The following SNX25 variants were observed in gnomAD, a reference collection of about 807,000 sequenced individuals.
SNX25 encodes the protein sorting nexin 25, also known as sorting nexin-25.
In SNX25, 62 loss-of-function variants were observed where a neutral mutation model predicts 113.7. That is an observed-to-expected ratio of 0.55 (90% CI 0.44 to 0.67). The LOEUF (loss-of-function observed/expected upper bound fraction) is 0.67, where lower values mean the gene tolerates loss of function less well. Ranked by LOEUF, SNX25 falls within the 30% of genes least tolerant of loss-of-function variation. SNX25 has a pLI of 0.00. For missense variants in SNX25, 1,014 were observed against 1,161.0 expected, an observed-to-expected ratio of 0.87 and a Z score of 1.84; for synonymous variants, 421 against 436.2, an observed-to-expected ratio of 0.97 and a Z score of 0.43.
intron 1 of SNX25, among the ~76,000 whole-genome samples, chr4:185,230,791 A>G (rs192601125): frequency 5.7e-4 from 87 of 152,324 alleles, no homozygotes; most frequent in African/African-American, 2.0e-3. Flanking sequence ...AAATGTTGTT[A>G]AAAATACAAT....
At chr4:185,354,041 CAA>C (rs138207766) in intron 15 of SNX25, among the ~76,000 whole-genome samples, 30 of 84,498 alleles carry the variant, frequency 3.6e-4, no homozygotes, top group Middle Eastern at 6.8e-3. Flanking sequence ...GACTCCGTCT[CAA>C]AAAAAAAAAA....
intron 6 of SNX25, among the ~76,000 whole-genome samples, chr4:185,290,727 T>G (rs1320147001): frequency 1.3e-5 from 2 of 152,288 alleles, no homozygotes; most frequent in East Asian, 3.9e-4. Context: ...ACTGAAGTGT[T>G]TGGTTTATTT....
At chr4:185,233,794 T>TC (rs1742200816) in intron 1 of SNX25, among the ~76,000 whole-genome samples, 1 of 152,190 alleles carries the variant, frequency 6.6e-6, no homozygotes. Flanking sequence ...AAATTAGAGA[T>TC]AAAGCTCTTT....
At chr4:185,281,038 C>T (rs570079566) in intron 5 of SNX25, among the ~76,000 whole-genome samples, 1 of 152,292 alleles carries the variant, frequency 6.6e-6, no homozygotes, top group South Asian at 2.1e-4. Context: ...CCTAGAATCC[C>T]ATAGTAATGT....
intron 13 of SNX25, among the ~76,000 whole-genome samples, chr4:185,350,558 G>A (rs552985727): frequency 6.6e-6 from 1 of 152,252 alleles, no homozygotes; most frequent in Non-Finnish European, 1.5e-5. Flanking sequence ...CCAGTTTGAG[G>A]GCTGGTAGAA....
At chr4:185,226,666 G>T (rs757950696) in intron 1 of SNX25, among the ~76,000 whole-genome samples, 9 of 152,130 alleles carry the variant, frequency 5.9e-5, no homozygotes, top group Non-Finnish European at 1.3e-4. Context: ...GCCCGGGCTG[G>T]TCTTGAACTC....
the SNX25 span, chr4:185,378,091 C>T: frequency 8.1e-6 from 13 of 1,612,586 alleles, no homozygotes; most frequent in Admixed American, 1.7e-5. Context: ...CAGTCTTTTC[C>T]TTTTTCCACT....
chr4:185,310,575 T>A (rs1480947750), intron 6 of SNX25, 60 bp from the exon 7 acceptor site: 1 of 1,497,424 alleles, frequency 6.7e-7, no homozygotes, highest in Admixed American at 1.9e-5. Context: ...TGGTTCTGAA[T>A]TGCTGTGTCC....
In SNX25 at chr4:185,363,455, G is replaced by T. The variant is rs1442997261; in HGVS notation, c.3005G>T (p.Gly1002Val). ...GTTCATTTAGATCAACTTAAAGCTG[G>T]CCAAGTTTGAGACTACACAAATAAA... ...LRVHLDQLKA[G>V]QV Residue 1002 changes from glycine to valine, a missense_variant, in exon 19 of 19, where the codon GGC becomes GTC. Physicochemically the swap from Gly to Val is moderately radical, Grantham distance 109 (BLOSUM62 -3). Transcript: ENST00000652585. The surrounding 1 kb of genome is among the most constrained non-coding windows in gnomAD (Gnocchi z 4.2). The T allele has an allele frequency of 6.2e-7, 1 of 1,613,858 alleles. No homozygotes were observed. The highest frequency in any genetic ancestry group is 1.1e-5 in the South Asian group (1 of 91,070).
At chr4:185,321,460 A>AC (rs1311076182) in intron 8 of SNX25, among the ~76,000 whole-genome samples, 2 of 151,862 alleles carry the variant, frequency 1.3e-5, no homozygotes, top group African/African-American at 4.8e-5. Flanking sequence ...ACGGGGTTTT[A>AC]CCGTGTTGGC....
chr4:185,206,523 C>T (rs1030523077), upstream of SNX25, among the ~76,000 whole-genome samples: 1 of 151,690 alleles, frequency 6.6e-6, no homozygotes, highest in Admixed American at 6.6e-5. Flanking sequence ...GCCAGGCATG[C>T]TGATGCATGC....
downstream of SNX25, among the ~76,000 whole-genome samples, chr4:185,372,701 T>C (rs1561077404): frequency 6.6e-6 from 1 of 152,184 alleles, no homozygotes; most frequent in South Asian, 2.1e-4. Flanking sequence ...TCCTGTAGCT[T>C]TCTGCTGTCA....
At chr4:185,216,204 C>A (rs1738781761) in intron 1 of SNX25, among the ~76,000 whole-genome samples, 3 of 152,194 alleles carry the variant, frequency 2.0e-5, no homozygotes, top group Admixed American at 1.3e-4. Context: ...TCCCTCTAGG[C>A]AGCCACTATT....
rs35543353 is a variant in SNX25, at chr4:185,369,227, CTTTTTTT to C, written c.*1005-508_*1005-502del. ...TTGGAAATTGATGTAATACAGAGAGCTTTTTTTTTTTTTTTTTTTTTGAGACAGAGTC... is the reference window on the plus strand; with the variant it reads ...TTGGAAATTGATGTAATACAGAGAGCTTTTTTTTTTTTTTGAGACAGAGTC... On this transcript the variant is annotated intron_variant and NMD_transcript_variant, in intron 11 of 11. Coordinates refer to the SNX25 transcript ENST00000504959. Among the ~76,000 whole-genome samples, 41 of 100,930 alleles carry C rather than the reference CTTTTTTT, an allele frequency of 4.1e-4. No homozygotes were observed. In the South Asian group the frequency reaches 0.013, roughly 31 times the overall value. 66.2% of individuals were successfully genotyped at this position (100,930 alleles called of 152,430 possible). A position where few individuals can be genotyped will look rare whatever the true frequency, so the allele number is the denominator to read the frequency against.
intron 1 of SNX25, among the ~76,000 whole-genome samples, chr4:185,244,860 CTT>C (rs1744603411): frequency 6.6e-6 from 1 of 151,906 alleles, no homozygotes. Context: ...CACCAGGAGA[CTT>C]TTGTTTGTTT....
At chr4:185,320,270 T>C (rs1459105206) in intron 7 of SNX25, among the ~76,000 whole-genome samples, 1 of 152,150 alleles carries the variant, frequency 6.6e-6, no homozygotes, top group African/African-American at 2.4e-5. Flanking sequence ...ATGTGGTACA[T>C]ATACATCATG....
chr4:185,375,487 A>AATATATATATATATGTAT, the SNX25 span: 3 of 12,016 alleles, frequency 2.5e-4, no homozygotes, highest in Non-Finnish European at 4.4e-4. Flanking sequence ...AAAAAAAAAA[A>AATATATATATATATGTAT]ATATATATAT....
At chr4:185,217,466 G>T (rs772197311) in intron 1 of SNX25, among the ~76,000 whole-genome samples, 1 of 152,120 alleles carries the variant, frequency 6.6e-6, no homozygotes, top group Non-Finnish European at 1.5e-5. Context: ...CCAAACCAAA[G>T]GATCCCACAA....
intron 1 of SNX25, among the ~76,000 whole-genome samples, chr4:185,224,095 G>T (rs955724125): frequency 4.6e-5 from 7 of 152,118 alleles, no homozygotes; most frequent in African/African-American, 1.4e-4. Flanking sequence ...GCTCACGCCT[G>T]TAATCCCAGC....
Sources: allele counts gnomAD v4.1 joint callset (sites outside exome capture counted in the v4.1 genomes callset), GRCh38; gene constraint gnomAD v4.1.1; non-coding constraint Gnocchi (gnomAD v3.1); transcripts MANE v1.5; gene names NCBI Gene and HGNC (gene_info 2026-07-23, HGNC 2026-07-21).